EXTL3: variants seen among roughly 807,000 people sequenced by gnomAD.
The protein encoded by EXTL3 is exostosin-like 3.
In EXTL3, 27 loss-of-function variants were observed where a neutral mutation model predicts 69.3. The ratio of observed to expected loss-of-function variants is 0.39; its 90% CI spans 0.29 to 0.54. EXTL3 has a LOEUF of 0.54. Ranked by LOEUF, EXTL3 falls within the 20% of genes least tolerant of loss-of-function variation. EXTL3 has a pLI of 0.69. For synonymous variants in EXTL3, 511 were observed against 499.4 expected (o/e 1.02, Z -0.31); for missense variants, 1,003 against 1,231.8 (o/e 0.81, Z 2.78).
chr8:28,613,879 G>A (rs957763218), intron 2 of EXTL3, among the ~76,000 whole-genome samples: 6 of 151,242 alleles, frequency 4.0e-5, no homozygotes, highest in African/African-American at 9.7e-5. Context: ...GTCTCACTTG[G>A]TGCAGTCATA....
intron 1 of EXTL3, among the ~76,000 whole-genome samples, chr8:28,654,141 T>G (rs1336165950): frequency 1.3e-5 from 2 of 152,220 alleles, no homozygotes; most frequent in East Asian, 1.9e-4. Flanking sequence ...CAGTAGCATA[T>G]CTCTAGAATA....
chr8:28,722,223 G>A (rs1269858420), intron 3 of EXTL3, among the ~76,000 whole-genome samples: 1 of 152,208 alleles, frequency 6.6e-6, no homozygotes, highest in Non-Finnish European at 1.5e-5. Flanking sequence ...AGCAGGTGCA[G>A]GACAGTGCAG....
At chr8:28,740,111 A>G (rs1801743720) in intron 5 of EXTL3, 1 of 152,216 alleles carries the variant, frequency 6.6e-6, no homozygotes, top group African/African-American at 2.4e-5. Flanking sequence ...ATGCACTGAC[A>G]ACTTCTAAAA....
intron 3 of EXTL3, among the ~76,000 whole-genome samples, chr8:28,721,011 ATCAGTGGTTT>A (rs1361019259): frequency 6.6e-6 from 1 of 152,198 alleles, no homozygotes; most frequent in Non-Finnish European, 1.5e-5. Flanking sequence ...CTGAGGATAT[ATCAGTGGTTT>A]TCAAATTTTT....
rs1802092597 is a variant in EXTL3 at position 28,755,142 on chromosome 8, C to T, written c.*4276C>T. On this transcript the variant is annotated 3_prime_UTR_variant, in exon 7 of 7. Transcript: ENST00000220562. ...TATACGTAGAGTCCACTGTTTGACA[C>T]AATAAAAATGAACTATTACTGGAGT... 6.6e-6 allele frequency: 1 copy of T among 152,200 alleles called. No individual in the cohort carries two copies. The highest frequency in any genetic ancestry group is 2.4e-5 in the African/African-American group (1 of 41,464). The allele number at this position is 152,200 out of a possible 1,614,324, so 9.4% of individuals were successfully genotyped here.
At chr8:28,748,762 A>G (rs1801943056) in intron 6 of EXTL3, among the ~76,000 whole-genome samples, 1 of 152,150 alleles carries the variant, frequency 6.6e-6, no homozygotes, top group African/African-American at 2.4e-5. Flanking sequence ...TAGGTTGAGA[A>G]TGTTAAATAG....
At chr8:28,669,162 C>A (rs1193994842) in intron 1 of EXTL3, among the ~76,000 whole-genome samples, 4 of 152,186 alleles carry the variant, frequency 2.6e-5, no homozygotes, top group African/African-American at 9.6e-5. Flanking sequence ...CTGTGCCTGG[C>A]CTGATAGAAG....
rs200375528 is a variant in EXTL3 at position 28,717,739 on chromosome 8, G to A, written c.1680G>A (p.Ala560=). Residue 560 remains alanine, a synonymous_variant, in exon 3 of 7, where the codon GCG becomes GCA. Transcript: ENST00000220562. This position sits in a 1 kb window ranked among gnomAD's most constrained non-coding sequence, Gnocchi z 8.3. ...AAEIPHRSGK[A]AGTDPNMADN... ...AGATCCCCCACCGTTCAGGCAAGGC[G>A]GCTGGAACTGACCCCAACATGGCTG... 3.5e-5 allele frequency: 57 copies of A among 1,614,236 alleles called. No homozygotes were observed. Among genetic ancestry groups the A allele is most frequent in the South Asian group, 1.4e-4 (13 of 91,084 alleles).
At chr8:28,649,613 C>G (rs1024388123) in intron 1 of EXTL3, among the ~76,000 whole-genome samples, 1 of 152,152 alleles carries the variant, frequency 6.6e-6, no homozygotes, top group African/African-American at 2.4e-5. Flanking sequence ...ATTCTGGTTA[C>G]TAAACTTTTA....
intron 1 of EXTL3, among the ~76,000 whole-genome samples, chr8:28,659,564 G>T (rs1181991589): frequency 6.6e-6 from 1 of 152,118 alleles, no homozygotes; most frequent in Non-Finnish European, 1.5e-5. Flanking sequence ...CTTGACCGGG[G>T]CCTACAGCAG....
chr8:28,718,852 C>CT (rs965595674), intron 3 of EXTL3, among the ~76,000 whole-genome samples: 20 of 152,284 alleles, frequency 1.3e-4, no homozygotes, highest in African/African-American at 4.3e-4. Context: ...CTTGTAGGTT[C>CT]TTTCTCATTC....
chr8:28,696,078 G>C (rs1800682427), intron 1 of EXTL3: 1 of 152,056 alleles, frequency 6.6e-6, no homozygotes, highest in Non-Finnish European at 1.5e-5. Context: ...AAAATTTTTT[G>C]TGGAGACAGG....
intron 1 of EXTL3, among the ~76,000 whole-genome samples, chr8:28,667,564 C>T (rs1411805585): frequency 6.6e-6 from 1 of 152,106 alleles, no homozygotes; most frequent in Non-Finnish European, 1.5e-5. Context: ...TTCCTTAAAG[C>T]TTACTCAGCT....
Position 28,717,707 on chromosome 8 carries a change from G to A in EXTL3, c.1648G>A (p.Ala550Thr), listed in dbSNP as rs1350455014. ...AGCCGCTCCCATCCGGGAAGAGGCG[G>A]CAGCTGAGATCCCCCACCGTTCAGG... ...IPAAPIREEAAAEIPHRSGKA... is the reference protein window; with the variant it reads ...IPAAPIREEATAEIPHRSGKA... The change falls in exon 3 of 7, where the codon GCA becomes ACA. Residue 550 changes from alanine to threonine, a missense_variant. Coordinates refer to ENST00000220562, the MANE Select transcript of EXTL3 (RefSeq NM_001440.4). The surrounding 1 kb of genome is among the most constrained non-coding windows in gnomAD (Gnocchi z 8.3). 6.2e-7 allele frequency: 1 copy of A among 1,614,118 alleles called. No individual in the cohort carries two copies. The highest frequency in any genetic ancestry group is 1.3e-5 in the African/African-American group (1 of 74,934).
At chr8:28,676,844 CAG>C (rs1807391328) in intron 1 of EXTL3, among the ~76,000 whole-genome samples, 1 of 152,148 alleles carries the variant, frequency 6.6e-6, no homozygotes, top group African/African-American at 2.4e-5. Context: ...TGTGTTGAAA[CAG>C]ATTCTTGGAC....
At chr8:28,641,719 C>G (rs1382781445) in intron 1 of EXTL3, among the ~76,000 whole-genome samples, 1 of 152,104 alleles carries the variant, frequency 6.6e-6, no homozygotes, top group Admixed American at 6.5e-5. Context: ...GTGATCCACC[C>G]CCTCCCCGAC....
rs547654075 is a variant in EXTL3, at chr8:28,671,213, C to G, written c.-52-42244C>G. ...GCTAGGCTAGTCTTGAACTCCTGAC[C>G]TCAGGTGATATGCCCACCTTGGCCT... is the stretch of plus-strand genomic sequence containing the variant. On this transcript the variant is annotated intron_variant, in intron 1 of 6. Transcript: ENST00000523149. Among the ~76,000 whole-genome samples, 6 of 151,876 alleles carry G rather than the reference C, an allele frequency of 4.0e-5. No homozygotes were observed. The East Asian group carries it at 1.2e-3, about 29-fold the overall frequency.
At chr8:28,698,762 G>T (rs1443506476), upstream of EXTL3, among the ~76,000 whole-genome samples, 6 of 152,234 alleles carry the variant, frequency 3.9e-5, no homozygotes, top group Admixed American at 6.5e-5. Context: ...GGGAGGCCGA[G>T]GTGGGCGGAT....
chr8:28,680,964 G>A (rs1050520075), intron 1 of EXTL3, among the ~76,000 whole-genome samples: 4 of 151,874 alleles, frequency 2.6e-5, no homozygotes, highest in Non-Finnish European at 5.9e-5. Flanking sequence ...TGCAACCTCC[G>A]CCGCCTGGGT....
Sources: gnomAD v4.1 joint callset for allele counts (sites outside exome capture counted in the v4.1 genomes callset) on GRCh38, gnomAD v4.1.1 for gene constraint, Gnocchi (gnomAD v3.1) non-coding constraint, MANE v1.5 for transcripts, NCBI Gene and HGNC (gene_info 2026-07-23, HGNC 2026-07-21) for gene names.